GPHN: variants seen among roughly 807,000 people sequenced by gnomAD.
The protein encoded by GPHN is gephyrin.
Under a neutral mutation model 95.5 loss-of-function variants are expected in GPHN, and 17 were observed. The observed-to-expected ratio is 0.18, with a 90% CI of 0.12 to 0.27. GPHN has a LOEUF of 0.27. Ranked by LOEUF, GPHN falls within the 10% of genes least tolerant of loss-of-function variation. GPHN has a pLI of 1.00. For synonymous variants in GPHN, 320 were observed against 322.5 expected (o/e 0.99, Z 0.08); for missense variants, 660 against 978.1 (o/e 0.67, Z 4.34).
intron 1 of GPHN, among the ~76,000 whole-genome samples, chr14:66,609,302 G>A (rs1174676983): frequency 6.6e-6 from 1 of 152,138 alleles, no homozygotes; most frequent in Non-Finnish European, 1.5e-5. Context: ...AGTTTCTGCT[G>A]AGTAGCCCGC....
the GPHN span, among the ~76,000 whole-genome samples, chr14:67,399,607 C>G: frequency 5.0e-5 from 7 of 140,874 alleles, no homozygotes; most frequent in African/African-American, 1.7e-4. Context: ...TTAGGTGGTT[C>G]TCAGGTGGCA....
At chr14:67,475,904 G>A in the GPHN span, among the ~76,000 whole-genome samples, 4 of 152,370 alleles carry the variant, frequency 2.6e-5, no homozygotes, top group East Asian at 5.8e-4. Context: ...ACTAGCATGT[G>A]AACTCCTTGA....
chr14:66,701,863 C>G (rs966808636), intron 2 of GPHN, among the ~76,000 whole-genome samples: 1 of 152,178 alleles, frequency 6.6e-6, no homozygotes, highest in African/African-American at 2.4e-5. Context: ...GCAGCCAGCA[C>G]TGAGACTCAC....
At chr14:66,741,965 C>T (rs550994899) in intron 2 of GPHN, among the ~76,000 whole-genome samples, 1 of 152,214 alleles carries the variant, frequency 6.6e-6, no homozygotes, top group Non-Finnish European at 1.5e-5. Flanking sequence ...TTCATTGGTT[C>T]CAGTGAGTCT....
At chr14:66,877,366 A>G (rs560710677) in intron 4 of GPHN, among the ~76,000 whole-genome samples, 2 of 152,324 alleles carry the variant, frequency 1.3e-5, no homozygotes, top group African/African-American at 4.8e-5. Context: ...TATTCAACAT[A>G]GTATTGGAAG....
the GPHN span, among the ~76,000 whole-genome samples, chr14:67,416,443 G>A: frequency 1.3e-5 from 2 of 152,162 alleles, no homozygotes; most frequent in East Asian, 1.9e-4. Flanking sequence ...GTGGGGTCCC[G>A]GGCAGCCAGG....
At chr14:66,989,379 T>C (rs1233616146) in intron 9 of GPHN, among the ~76,000 whole-genome samples, 1 of 152,052 alleles carries the variant, frequency 6.6e-6, no homozygotes, top group Non-Finnish European at 1.5e-5. Flanking sequence ...GAAGTAATTT[T>C]TCTTTTCAAT....
chr14:67,684,766 C>G, the GPHN span: 4 of 310,664 alleles, frequency 1.3e-5, no homozygotes, highest in Non-Finnish European at 2.3e-5. Flanking sequence ...GAAAACTGGA[C>G]TGACATAACA....
At chr14:67,442,838 G>C in the GPHN span, among the ~76,000 whole-genome samples, 1 of 152,208 alleles carries the variant, frequency 6.6e-6, no homozygotes, top group African/African-American at 2.4e-5. Flanking sequence ...GGGAAAACAG[G>C]CAGGTGTATC....
rs1302369987 is a variant in GPHN, at chr14:66,894,668, A to T, written c.389+14635A>T. On this transcript the variant is annotated intron_variant, in intron 5 of 22. Coordinates refer to ENST00000478722, the MANE Select transcript of GPHN (RefSeq NM_020806.5). ...AAGCACTCAAACAAATTTGCAAGAA[A>T]AAAACAACCCCATCAACAAGTGGGC... Among the ~76,000 whole-genome samples the T allele has an allele frequency of 2.0e-5, 3 of 152,224 alleles. No individual in the cohort carries two copies. The East Asian group carries it at 5.8e-4, about 29-fold the overall frequency.
intron 4 of GPHN, among the ~76,000 whole-genome samples, chr14:66,859,680 T>C (rs2062950069): frequency 6.6e-6 from 1 of 152,180 alleles, no homozygotes; most frequent in Non-Finnish European, 1.5e-5. Context: ...ATCTTTTAGA[T>C]AGAGAATTCA....
the GPHN span, among the ~76,000 whole-genome samples, chr14:67,399,139 A>T: frequency 6.2e-4 from 94 of 152,308 alleles, no homozygotes; most frequent in South Asian, 1.7e-3. Flanking sequence ...AGTGCTAAGG[A>T]CTCTGACAGT....
intron 3 of GPHN, among the ~76,000 whole-genome samples, chr14:66,799,613 A>T (rs1189934292): frequency 6.6e-6 from 1 of 151,846 alleles, no homozygotes; most frequent in Non-Finnish European, 1.5e-5. Context: ...ATTTTGTCTG[A>T]TATAAGTGTA....
the GPHN span, among the ~76,000 whole-genome samples, chr14:67,665,500 T>C: frequency 6.6e-6 from 1 of 152,060 alleles, no homozygotes; most frequent in African/African-American, 2.4e-5. Flanking sequence ...ACTCCTGGGC[T>C]CAGGCAATCC....
rs2065183016 is a variant in GPHN, at chr14:66,902,799, G to A, written c.390-13204G>A. Among the ~76,000 whole-genome samples, 2 of 152,142 alleles carry A rather than the reference G, an allele frequency of 1.3e-5. 1 individual carries two copies. The highest frequency in any genetic ancestry group is 1.3e-4 in the Admixed American group (2 of 15,282). ...AGAATTTTTGCATTTGTATTCATTG[G>A]GGAGGGTGGCCTGGGTTTCTCTTTT... On this transcript the variant is annotated intron_variant, in intron 5 of 22. Coordinates refer to ENST00000478722, the MANE Select transcript of GPHN (RefSeq NM_020806.5).
intron 1 of GPHN, among the ~76,000 whole-genome samples, chr14:66,611,319 G>A (rs117690482): frequency 6.6e-6 from 1 of 152,098 alleles, no homozygotes; most frequent in African/African-American, 2.4e-5. Flanking sequence ...CAAGGCCATT[G>A]GTAGTGGTGG....
intron 1 of GPHN, among the ~76,000 whole-genome samples, chr14:66,567,280 A>C (rs560970929): frequency 6.6e-6 from 1 of 152,108 alleles, no homozygotes; most frequent in African/African-American, 2.4e-5. Flanking sequence ...TTAGCAGCGT[A>C]GGGGACTTTG....
chr14:66,679,505 C>A (rs1247074357), intron 1 of GPHN, among the ~76,000 whole-genome samples: 1 of 152,088 alleles, frequency 6.6e-6, no homozygotes, highest in Non-Finnish European at 1.5e-5. Context: ...CTAGTCTCAG[C>A]AATTTTTAAC....
At chr14:66,518,236 A>G (rs892981602) in intron 1 of GPHN, among the ~76,000 whole-genome samples, 1 of 152,142 alleles carries the variant, frequency 6.6e-6, no homozygotes, top group African/African-American at 2.4e-5. Context: ...ACATTAAACA[A>G]TGTTCAGCAT....
Sources: gnomAD v4.1 joint callset for allele counts (sites outside exome capture counted in the v4.1 genomes callset) on GRCh38, gnomAD v4.1.1 for gene constraint, MANE v1.5 for transcripts, NCBI Gene and HGNC (gene_info 2026-07-23, HGNC 2026-07-21) for gene names.